The following DSE variants were observed in gnomAD, a reference collection of about 807,000 sequenced individuals.
DSE encodes dermatan sulfate epimerase.
DSE carries 36 observed loss-of-function variants against 84.4 expected under a neutral mutation model. The observed-to-expected ratio is 0.43, with a 90% CI of 0.33 to 0.56. DSE has a LOEUF of 0.56. DSE is among the 20% of genes least tolerant of loss of function. The pLI is 0.06. For missense variants in DSE, 862 were observed against 1,169.6 expected, an observed-to-expected ratio of 0.74 and a Z score of 3.84; for synonymous variants, 410 against 430.1, an observed-to-expected ratio of 0.95 and a Z score of 0.58.
At chr6:116,290,124 G>A (rs1434488089) in intron 2 of DSE, among the ~76,000 whole-genome samples, 1 of 152,082 alleles carries the variant, frequency 6.6e-6, no homozygotes, top group Non-Finnish European at 1.5e-5. Flanking sequence ...AAGTAATGGA[G>A]TATGGATATA....
rs548189741 is a variant in DSE, at chr6:116,265,760, A to T, written c.-54+6793A>T. Among the ~76,000 whole-genome samples the T allele has an allele frequency of 2.0e-5, 3 of 152,228 alleles. No homozygotes were observed. In the East Asian group the frequency reaches 5.8e-4, roughly 29 times the overall value. On this transcript the variant is annotated intron_variant, in intron 2 of 3. Transcript: ENST00000430252. ...AGACCTGCCCAGTCTGATGGACAAG[A>T]CCACTCTGCAGAGTTCAGATCTGAC...
intron 2 of DSE, among the ~76,000 whole-genome samples, chr6:116,299,502 T>TATATATATA (rs1774867621): frequency 2.1e-5 from 1 of 47,544 alleles, no homozygotes; most frequent in Non-Finnish European, 3.3e-5. Context: ...CTTGAATTAT[T>TATATATATA]TTTATATATA....
At chr6:116,280,291 T>C (rs1036372240) in intron 2 of DSE, 2 of 222,166 alleles carry the variant, frequency 9.0e-6, no homozygotes, top group Non-Finnish European at 1.9e-5. Context: ...TCCACGTAAC[T>C]AGCAGCAAAA....
chr6:116,332,617 G>A (rs1562235757), intron 2 of DSE, among the ~76,000 whole-genome samples: 1 of 151,964 alleles, frequency 6.6e-6, no homozygotes, highest in East Asian at 1.9e-4. Context: ...TTAGAAAAAA[G>A]ACACATTTGA....
chr6:116,367,758 T>C (rs562948302), upstream of DSE, among the ~76,000 whole-genome samples: 2 of 152,314 alleles, frequency 1.3e-5, no homozygotes, highest in South Asian at 4.1e-4. Flanking sequence ...TAAGAAAATA[T>C]GTCCTAGCTG....
chr6:116,297,324 C>T (rs1774733418), intron 2 of DSE, among the ~76,000 whole-genome samples: 1 of 152,146 alleles, frequency 6.6e-6, no homozygotes, highest in African/African-American at 2.4e-5. Context: ...TCTACACCAT[C>T]TCTCAAAGGT....
chr6:116,342,262 G>A (rs1478463513), intron 2 of DSE, among the ~76,000 whole-genome samples: 1 of 146,574 alleles, frequency 6.8e-6, no homozygotes, highest in Non-Finnish European at 1.5e-5. Flanking sequence ...TTAACTTTAT[G>A]AAGGCTATTA....
chr6:116,286,387 G>A (rs1455176053), intron 2 of DSE, among the ~76,000 whole-genome samples: 2 of 151,930 alleles, frequency 1.3e-5, no homozygotes, highest in African/African-American at 2.4e-5. Context: ...CTATCCACAA[G>A]CATATTAATA....
At chr6:116,323,839 C>A (rs1583018597) in intron 2 of DSE, among the ~76,000 whole-genome samples, 2 of 152,312 alleles carry the variant, frequency 1.3e-5, no homozygotes, top group African/African-American at 4.8e-5. Context: ...TGATCATGTG[C>A]ATCTTTCCTG....
At chr6:116,341,415 C>T (rs986671688) in intron 2 of DSE, among the ~76,000 whole-genome samples, 8 of 152,126 alleles carry the variant, frequency 5.3e-5, no homozygotes, top group African/African-American at 1.7e-4. Context: ...AATTTTCTCC[C>T]GTTCTGTAGG....
intron 2 of DSE, among the ~76,000 whole-genome samples, chr6:116,360,394 TG>T: frequency 6.6e-6 from 1 of 152,332 alleles, no homozygotes; most frequent in Middle Eastern, 3.4e-3. Context: ...CATCTGCATC[TG>T]GAAAAAAAGT....
intron 2 of DSE, among the ~76,000 whole-genome samples, chr6:116,402,004 T>C (rs1278749416): frequency 6.6e-6 from 1 of 152,202 alleles, no homozygotes; most frequent in Admixed American, 6.5e-5. Flanking sequence ...TTTACTCTTT[T>C]GAAAGCCAGT....
At chr6:116,314,013 A>C (rs1337552451) in intron 2 of DSE, among the ~76,000 whole-genome samples, 1 of 152,204 alleles carries the variant, frequency 6.6e-6, no homozygotes, top group Non-Finnish European at 1.5e-5. Flanking sequence ...ACCAACTTAC[A>C]TCAGGTTTAC....
chr6:116,330,048 C>T (rs1173701253), intron 2 of DSE, among the ~76,000 whole-genome samples: 1 of 152,200 alleles, frequency 6.6e-6, no homozygotes, highest in African/African-American at 2.4e-5. Context: ...TGGCCTTGAA[C>T]TCCCAACCTC....
At chr6:116,420,793 A>G (rs1465007286) in intron 2 of DSE, among the ~76,000 whole-genome samples, 13 of 152,224 alleles carry the variant, frequency 8.5e-5, no homozygotes, top group Admixed American at 8.5e-4. Context: ...AGAAGCATTT[A>G]ATCACTTGCA....
At chr6:116,381,129 A>G (rs2114945767) in intron 1 of DSE, among the ~76,000 whole-genome samples, 1 of 152,270 alleles carries the variant, frequency 6.6e-6, no homozygotes, top group African/African-American at 2.4e-5. Context: ...CAATGCATAC[A>G]TGGGTTCCCA....
At chr6:116,426,544 C>A (rs1308711659) in intron 2 of DSE, 30 bp from the exon 3 acceptor site, 1 of 1,603,812 alleles carries the variant, frequency 6.2e-7, no homozygotes, top group South Asian at 1.1e-5. Flanking sequence ...GTCTGATGAA[C>A]TCATTTCCAT....
chr6:116,317,399 G>A (rs1399755334), intron 2 of DSE, among the ~76,000 whole-genome samples: 2 of 152,182 alleles, frequency 1.3e-5, no homozygotes, highest in Non-Finnish European at 2.9e-5. Context: ...AGAGATTCCG[G>A]GAAGTTACTC....
intron 2 of DSE, among the ~76,000 whole-genome samples, chr6:116,299,116 A>T (rs1336094547): frequency 6.6e-6 from 1 of 152,194 alleles, no homozygotes; most frequent in African/African-American, 2.4e-5. Flanking sequence ...TAAAGTAGCC[A>T]ATGTACATTA....
Sources: gnomAD v4.1 joint callset for allele counts (sites outside exome capture counted in the v4.1 genomes callset) on GRCh38, gnomAD v4.1.1 for gene constraint, MANE v1.5 for transcripts, NCBI Gene and HGNC (gene_info 2026-07-23, HGNC 2026-07-21) for gene names.